Variants in SLMAP observed in about 807,000 individuals in gnomAD.
SLMAP encodes sarcolemma associated protein.
A neutral mutation model predicts 128.8 loss-of-function variants in SLMAP; 44 were observed. That is an observed-to-expected ratio of 0.34 (90% CI 0.27 to 0.44). The LOEUF (loss-of-function observed/expected upper bound fraction) is 0.44, where lower values mean the gene tolerates loss of function less well. Among genes scored for constraint, SLMAP ranks in the 20% least tolerant of loss-of-function variants. The probability of loss-of-function intolerance (pLI) is 1.00; values close to 1 mark genes in which losing one functional copy is unlikely to be tolerated. For synonymous variants in SLMAP, 327 were observed against 348.8 expected (o/e 0.94, Z 0.70); for missense variants, 787 against 985.3 (o/e 0.80, Z 2.69).
chr3:57,776,522 CTTT>C (rs1553775402), intron 2 of SLMAP, among the ~76,000 whole-genome samples: 2 of 92,604 alleles, frequency 2.2e-5, no homozygotes, highest in Admixed American at 2.4e-4. Flanking sequence ...CTCTCTCTCT[CTTT>C]TTTTTTTTTT....
At chr3:57,906,304 T>TTTTTCTTTTTCTTTTTTTTTTC (rs373233450) in intron 17 of SLMAP, among the ~76,000 whole-genome samples, 8 of 113,560 alleles carry the variant, frequency 7.0e-5, no homozygotes, top group East Asian at 4.1e-4. Flanking sequence ...TTTTTTCTTT[T>TTTTTCTTTTTCTTTTTTTTTTC]TTTTTCTTTT....
intron 2 of SLMAP, among the ~76,000 whole-genome samples, chr3:57,770,828 G>A (rs1212901761): frequency 2.6e-5 from 4 of 152,126 alleles, no homozygotes; most frequent in African/African-American, 9.7e-5. Context: ...TGGTTGGTGT[G>A]TTTGTATAGT....
At chr3:57,762,372 A>T (rs1442855443) in intron 2 of SLMAP, among the ~76,000 whole-genome samples, 1 of 152,076 alleles carries the variant, frequency 6.6e-6, no homozygotes, top group Non-Finnish European at 1.5e-5. Context: ...CTGTCTCAAA[A>T]AAAAAAAAAA....
chr3:57,859,096 G>A (rs2094925403), intron 8 of SLMAP, among the ~76,000 whole-genome samples: 1 of 152,170 alleles, frequency 6.6e-6, no homozygotes, highest in South Asian at 2.1e-4. Flanking sequence ...GGCCAAGGCA[G>A]GCGGATTGCT....
At chr3:57,857,907 GCAAA>G in intron 7 of SLMAP, 79 bp downstream of exon 7, 1 of 1,071,188 alleles carries the variant, frequency 9.3e-7, no homozygotes, top group South Asian at 1.4e-5. Flanking sequence ...CTAAAATGTA[GCAAA>G]CAAAGACAAA....
At position 57,928,339 on chromosome 3, in the gene SLMAP, G is replaced by A. The variant is rs1021803061; in HGVS notation, c.*1050G>A. On this transcript the variant is annotated 3_prime_UTR_variant, in exon 25 of 25. Coordinates refer to ENST00000671191, the MANE Select transcript of SLMAP (RefSeq NM_001377540.1). ...TATTAATATCTCTTTAGATAAGCTT[G>A]TATTGACCTAATTTGGTTTATGATG... 3.9e-5 allele frequency: 6 copies of A among 151,916 alleles called. No homozygotes were observed. The highest frequency in any genetic ancestry group is 9.7e-5 in the African/African-American group (4 of 41,326). The allele number at this position is 151,916 out of a possible 1,614,324, so 9.4% of individuals were successfully genotyped here.
intron 19 of SLMAP, 167 bp from the exon 20 acceptor site, chr3:57,912,214 C>A: frequency 1.9e-6 from 1 of 518,988 alleles, no homozygotes; most frequent in Non-Finnish European, 3.4e-6. Context: ...TTTTTTTTTC[C>A]TCTTTGCTAT....
In SLMAP at chr3:57,806,646, G is replaced by T. The variant is rs560653469; in HGVS notation, c.199-24737G>T. On this transcript the variant is annotated intron_variant, in intron 2 of 24. Coordinates refer to ENST00000671191, the MANE Select transcript of SLMAP (RefSeq NM_001377540.1). Reference sequence around the variant, plus strand: ...GTAGAGACAGGGTTTCACCGTGTTGGCCAGGCTGTTCTCGCACTCCTGACC... The same window carrying T: ...GTAGAGACAGGGTTTCACCGTGTTGTCCAGGCTGTTCTCGCACTCCTGACC... Among the ~76,000 whole-genome samples, 3 of 152,060 alleles carry T rather than the reference G, an allele frequency of 2.0e-5. No homozygotes were observed. In the East Asian group the frequency reaches 5.8e-4, roughly 29 times the overall value.
At chr3:57,865,590 G>GTA (rs890979755) in intron 13 of SLMAP, among the ~76,000 whole-genome samples, 6 of 152,072 alleles carry the variant, frequency 3.9e-5, no homozygotes, top group African/African-American at 7.2e-5. Flanking sequence ...TCGAAGAGCT[G>GTA]TACTACCATT....
chr3:57,885,773 T>C (rs1224882322), intron 14 of SLMAP, among the ~76,000 whole-genome samples: 2 of 18,772 alleles, frequency 1.1e-4, no homozygotes, highest in South Asian at 2.8e-3. Flanking sequence ...TTTTGGTTCT[T>C]TTTTTTTTTT....
intron 8 of SLMAP, among the ~76,000 whole-genome samples, chr3:57,860,109 TG>T (rs1373383245): frequency 6.6e-6 from 1 of 152,134 alleles, no homozygotes; most frequent in African/African-American, 2.4e-5. Context: ...CTTGAACTCC[TG>T]GGCTCACGCA....
chr3:57,808,703 C>T (rs890598127), intron 2 of SLMAP, among the ~76,000 whole-genome samples: 9 of 152,162 alleles, frequency 5.9e-5, no homozygotes, highest in African/African-American at 1.9e-4. Flanking sequence ...AGAATAAGTG[C>T]CATGTGGCAC....
Position 57,831,063 on chromosome 3 carries a change from T to A in SLMAP, c.199-320T>A, listed in dbSNP as rs143222286. On this transcript the variant is annotated intron_variant, in intron 2 of 24. Coordinates refer to ENST00000671191, the MANE Select transcript of SLMAP (RefSeq NM_001377540.1). Reference sequence around the variant, plus strand: ...TAGAAGTTTTTATGAGAACATGTTTTTAGTTCTCTTGGATGTATACCTAGG... The same window carrying A: ...TAGAAGTTTTTATGAGAACATGTTTATAGTTCTCTTGGATGTATACCTAGG... 4.9e-3 allele frequency among the ~76,000 whole-genome samples: 744 copies of A among 152,358 alleles called. 8 individuals carry two copies. The highest frequency in any genetic ancestry group is 0.023 in the Admixed American group (357 of 15,296).
At chr3:57,885,302 C>T (rs1232146674) in intron 14 of SLMAP, among the ~76,000 whole-genome samples, 1 of 151,564 alleles carries the variant, frequency 6.6e-6, no homozygotes, top group African/African-American at 2.4e-5. Context: ...GAACTCCCGA[C>T]CTCAGGTGAT....
intron 8 of SLMAP, among the ~76,000 whole-genome samples, chr3:57,858,648 C>T (rs1006317180): frequency 3.9e-5 from 6 of 152,066 alleles, no homozygotes; most frequent in Admixed American, 1.3e-4. Context: ...TATTTCATTA[C>T]GGTTACAAAT....
At chr3:57,761,977 G>A (rs2078743044) in intron 2 of SLMAP, among the ~76,000 whole-genome samples, 1 of 150,174 alleles carries the variant, frequency 6.7e-6, no homozygotes, top group Non-Finnish European at 1.5e-5. Context: ...AACCCGGGAA[G>A]CGGAGCTTGC....
chr3:57,840,007 A>G (rs1348425213), intron 3 of SLMAP, among the ~76,000 whole-genome samples: 3 of 152,088 alleles, frequency 2.0e-5, no homozygotes, highest in African/African-American at 7.2e-5. Flanking sequence ...TATTTTTAGT[A>G]GAGGGGTTTT....
chr3:57,892,809 C>CAT lies in SLMAP; in HGVS notation c.1360+2711_1360+2712dup, dbSNP rs1553920102. ...ACACACACACACACACACACACACACATACACACACAAACTTGCTTTCTTT... is the reference window on the plus strand; with the variant it reads ...ACACACACACACACACACACACACACATATACACACACAAACTTGCTTTCTTT... On this transcript the variant is annotated intron_variant, in intron 15 of 24. Coordinates refer to ENST00000671191, the MANE Select transcript of SLMAP (RefSeq NM_001377540.1). Among the ~76,000 whole-genome samples, 403 of 148,210 alleles carry CAT rather than the reference C, an allele frequency of 2.7e-3. 3 individuals carry two copies. Among genetic ancestry groups the CAT allele is most frequent in the African/African-American group, 9.6e-3 (385 of 40,180 alleles).
At chr3:57,766,165 ATTTTTTT>A (rs869169620) in intron 2 of SLMAP, among the ~76,000 whole-genome samples, 48 of 85,692 alleles carry the variant, frequency 5.6e-4, no homozygotes, top group East Asian at 1.9e-3. Context: ...CACCCGGCTA[ATTTTTTT>A]TTTTTTTTTT....
Sources: gnomAD v4.1 joint callset for allele counts (sites outside exome capture counted in the v4.1 genomes callset) on GRCh38, gnomAD v4.1.1 for gene constraint, MANE v1.5 for transcripts, NCBI Gene and HGNC (gene_info 2026-07-23, HGNC 2026-07-21) for gene names.